The following SLC22A25 variants were observed in gnomAD, a reference collection of about 807,000 sequenced individuals.
SLC22A25 encodes the protein solute carrier family 22 member 25, also known as MGI:2442751, MGI:2385316, MGI:3042283, MGI:3645714, MGI:3605624, MGI:2442750.
In SLC22A25, 44 loss-of-function variants were observed where a neutral mutation model predicts 45.9. That is an observed-to-expected ratio of 0.96 (90% CI 0.75 to 1.23). The LOEUF is 1.23. SLC22A25 is among the 50% of genes most tolerant of loss of function. The pLI is 0.00. For missense variants in SLC22A25, 800 were observed against 666.4 expected (o/e 1.20, Z -2.21); for synonymous variants, 283 against 238.6 (o/e 1.19, Z -1.72).
At chr11:63,228,627 G>T in intron 4 of SLC22A25, 63 bp from the exon 5 acceptor site, 1 of 1,238,380 alleles carries the variant, frequency 8.1e-7, no homozygotes, top group Non-Finnish European at 1.1e-6. Context: ...TTATCAAAAT[G>T]TCTTAAAATA....
Position 63,166,262 on chromosome 11 carries a change from C to T in SLC22A25, c.1071-4G>A. On this transcript the variant is annotated splice_region_variant and splice_polypyrimidine_tract_variant and intron_variant, in intron 9 of 11. Coordinates refer to ENST00000306494, the MANE Select transcript of SLC22A25 (RefSeq NM_199352.6). ...AAAAGGGATGGTACTTGCAAATCTGCAGGGAACACAGAAAAAGGCACATAT... is the reference window on the plus strand; with the variant it reads ...AAAAGGGATGGTACTTGCAAATCTGTAGGGAACACAGAAAAAGGCACATAT... 6.2e-7 allele frequency: 1 copy of T among 1,613,602 alleles called. No individual in the cohort carries two copies. Among genetic ancestry groups the T allele is most frequent in the Non-Finnish European group, 8.5e-7 (1 of 1,179,774 alleles).
In SLC22A25 at chr11:63,183,806, T is replaced by C; in HGVS notation, c.842A>G (p.Glu281Gly). The C allele has an allele frequency of 1.2e-6, 2 of 1,613,062 alleles. No homozygotes were observed. The highest frequency in any genetic ancestry group is 1.7e-6 in the Non-Finnish European group (2 of 1,179,296). The change falls in exon 8 of 12, where the codon GAG (glutamate) becomes GGG (glycine). Residue 281 changes from glutamate to glycine, a missense_variant. Physicochemically the swap from Glu to Gly is moderately conservative, Grantham distance 98. Transcript: ENST00000306494. ...VFFLFSRWLAESARWLIINNK... is the reference protein window; with the variant it reads ...VFFLFSRWLAGSARWLIINNK... ...GTTGATAATGAGCCACCGAGCAGACTCTGCCAGCCACCTGAGCAAAGAAGA... is the reference window on the plus strand; with the variant it reads ...GTTGATAATGAGCCACCGAGCAGACCCTGCCAGCCACCTGAGCAAAGAAGA...
Position 63,170,790 on chromosome 11 carries a change from G to A in SLC22A25, c.1071-4532C>T, listed in dbSNP as rs183944251. On this transcript the variant is annotated intron_variant, in intron 9 of 11. Transcript: ENST00000306494. ...AAATTCTTCAAATAATAGAAAAAGA[G>A]GGACTCCTCCCTAACATATTTTATG... 1.8e-3 allele frequency among the ~76,000 whole-genome samples: 259 copies of A among 146,820 alleles called. 5 individuals carry two copies. The highest frequency in any genetic ancestry group is 6.9e-3 in the African/African-American group (251 of 36,420).
rs141333922 is a variant in SLC22A25, at chr11:63,166,115, C to G, written c.1214G>C (p.Arg405Pro). ...CATGAGAAGCATCTGGCTTAGTCGA[C>G]GGCTCATGTGATTCAGTGCCCAAGG... ...VAPWALNHMS[R>P]RLSQMLLMFL... Residue 405 changes from arginine to proline, a missense_variant, in exon 10 of 12, where the codon CGT becomes CCT. Arg to Pro is a moderately radical substitution (Grantham distance 103, BLOSUM62 -2). Transcript: ENST00000306494. 4 of 1,614,000 alleles carry G rather than the reference C, an allele frequency of 2.5e-6. No individual in the cohort carries two copies. Among genetic ancestry groups the G allele is most frequent in the African/African-American group, 2.7e-5 (2 of 75,052 alleles).
At chr11:63,193,355 C>T (rs112604869) in intron 7 of SLC22A25, among the ~76,000 whole-genome samples, 10 of 152,264 alleles carry the variant, frequency 6.6e-5, no homozygotes, top group South Asian at 2.1e-4. Context: ...CCCTGAACCC[C>T]GAGTAGCCTA....
chr11:63,189,158 CATT>C (rs1187364479), intron 7 of SLC22A25, among the ~76,000 whole-genome samples: 2 of 152,062 alleles, frequency 1.3e-5, no homozygotes, highest in African/African-American at 4.8e-5. Flanking sequence ...TAAAGTCTCC[CATT>C]ATTATTGTGT....
intron 2 of SLC22A25, among the ~76,000 whole-genome samples, chr11:63,238,340 C>T (rs1202505302): frequency 6.6e-6 from 1 of 152,112 alleles, no homozygotes; most frequent in Non-Finnish European, 1.5e-5. Context: ...CACTGCAGAC[C>T]TTCTCCTATG....
At chr11:63,205,738 G>T (rs752617539) in intron 7 of SLC22A25, among the ~76,000 whole-genome samples, 6 of 152,108 alleles carry the variant, frequency 3.9e-5, no homozygotes, top group Admixed American at 2.6e-4. Context: ...AAGAGAAGTT[G>T]GTACCCTTCC....
At chr11:63,193,368 T>C (rs1189530283) in intron 7 of SLC22A25, among the ~76,000 whole-genome samples, 7 of 152,216 alleles carry the variant, frequency 4.6e-5, no homozygotes, top group Admixed American at 1.3e-4. Context: ...GTAGCCTAAC[T>C]GGGAGACACC....
intron 7 of SLC22A25, among the ~76,000 whole-genome samples, chr11:63,212,003 C>A (rs1355423725): frequency 6.6e-6 from 1 of 151,182 alleles, no homozygotes; most frequent in South Asian, 2.1e-4. Flanking sequence ...AAAAAGTGGG[C>A]GAAGGATATG....
chr11:63,183,622 A>G, intron 8 of SLC22A25, 72 bp downstream of exon 8: 1 of 1,596,474 alleles, frequency 6.3e-7, no homozygotes, highest in Non-Finnish European at 8.5e-7. Flanking sequence ...TATTCACCTT[A>G]TGAACACCAA....
chr11:63,236,066 T>C (rs571402733), intron 3 of SLC22A25, among the ~76,000 whole-genome samples: 9 of 152,176 alleles, frequency 5.9e-5, no homozygotes, highest in Non-Finnish European at 1.2e-4. Flanking sequence ...GGGGGGTGCC[T>C]CCCAGTTAGG....
rs775764004 is a variant in SLC22A25, at chr11:63,159,893, T to C, written c.*3931A>G. ...AGTAAAGGTGACTCTTGCTATATTT[T>C]AGTAAAGAGACTGGCAGCGTTTACT... is the stretch of plus-strand genomic sequence containing the variant. On this transcript the variant is annotated 3_prime_UTR_variant, in exon 12 of 12. Transcript: ENST00000306494. Among the ~76,000 whole-genome samples the C allele has an allele frequency of 3.9e-5, 6 of 152,220 alleles. No individual in the cohort carries two copies. Among genetic ancestry groups the C allele is most frequent in the Non-Finnish European group, 8.8e-5 (6 of 68,044 alleles).
At chr11:63,189,303 CCTT>C (rs1456599258) in intron 7 of SLC22A25, among the ~76,000 whole-genome samples, 18 of 152,158 alleles carry the variant, frequency 1.2e-4, no homozygotes, top group African/African-American at 3.9e-4. Context: ...TATGTAATGG[CCTT>C]CTTTGTCTCT....
At chr11:63,236,572 G>A (rs1417689855) in intron 3 of SLC22A25, among the ~76,000 whole-genome samples, 3 of 152,106 alleles carry the variant, frequency 2.0e-5, no homozygotes, top group Admixed American at 1.3e-4. Flanking sequence ...AAGGGAATTC[G>A]CTGACCCCTT....
At chr11:63,169,476 A>G (rs1394662294) in intron 9 of SLC22A25, among the ~76,000 whole-genome samples, 2 of 152,214 alleles carry the variant, frequency 1.3e-5, no homozygotes, top group African/African-American at 2.4e-5. Context: ...AGAAATATTT[A>G]CCAAGCAAAG....
chr11:63,212,291 A>C (rs1367936156), intron 7 of SLC22A25, among the ~76,000 whole-genome samples: 1 of 152,038 alleles, frequency 6.6e-6, no homozygotes, highest in Non-Finnish European at 1.5e-5. Flanking sequence ...TAGAAATACC[A>C]TTTGACCCAG....
chr11:63,167,185 C>T (rs1025698267), intron 9 of SLC22A25: 3 of 148,696 alleles, frequency 2.0e-5, no homozygotes, highest in African/African-American at 7.3e-5. Context: ...CAGGAGATTC[C>T]CTTGTGTGCC....
chr11:63,187,369 T>C (rs1223938758), intron 7 of SLC22A25, among the ~76,000 whole-genome samples: 1 of 152,220 alleles, frequency 6.6e-6, no homozygotes, highest in Admixed American at 6.5e-5. Flanking sequence ...TGTATAAGAA[T>C]GCTTGTGATT....
Sources: gnomAD v4.1 joint callset for allele counts (sites outside exome capture counted in the v4.1 genomes callset) on GRCh38, gnomAD v4.1.1 for gene constraint, MANE v1.5 for transcripts, NCBI Gene and HGNC (gene_info 2026-07-23, HGNC 2026-07-21) for gene names.